KANK2: variants seen among roughly 807,000 people sequenced by gnomAD.
KANK2 encodes the protein KN motif and ankyrin repeat domain-containing protein 2.
A neutral mutation model predicts 74.6 loss-of-function variants in KANK2; 41 were observed. The ratio of observed to expected loss-of-function variants is 0.55; its 90% CI spans 0.43 to 0.71. KANK2 has a LOEUF of 0.71. Among genes scored for constraint, KANK2 ranks in the 30% least tolerant of loss-of-function variants. KANK2 has a pLI of 0.00. For missense variants in KANK2, 1,148 were observed against 1,196.4 expected (o/e 0.96, Z 0.60); for synonymous variants, 537 against 519.0 (o/e 1.03, Z -0.47).
intron 4 of KANK2, among the ~76,000 whole-genome samples, chr19:11,185,508 C>T (rs2078649887): frequency 6.7e-6 from 1 of 149,026 alleles, no homozygotes; most frequent in Admixed American, 6.8e-5. Context: ...ATCATTCAAC[C>T]ATTAAAAAAA....
At chr19:11,186,128 C>A (rs369547924) in intron 4 of KANK2, among the ~76,000 whole-genome samples, 3 of 152,312 alleles carry the variant, frequency 2.0e-5, no homozygotes, top group Admixed American at 6.5e-5. Flanking sequence ...TAGCTCACAC[C>A]TGCAATCCCA....
At chr19:11,184,331 G>A (rs1167046659) in intron 4 of KANK2, among the ~76,000 whole-genome samples, 2 of 150,082 alleles carry the variant, frequency 1.3e-5, no homozygotes, top group Non-Finnish European at 3.0e-5. Context: ...AGCCGAGATC[G>A]TGCCACTGCA....
chr19:11,179,349 G>A (rs1307698518), intron 4 of KANK2, among the ~76,000 whole-genome samples: 10 of 141,872 alleles, frequency 7.0e-5, no homozygotes, highest in African/African-American at 1.1e-4. Flanking sequence ...ATAAAAACAC[G>A]TCTTGGTGGC....
chr19:11,172,910 C>T (rs750023451), intron 10 of KANK2, 71 bp downstream of exon 10: 3 of 1,542,896 alleles, frequency 1.9e-6, no homozygotes, highest in East Asian at 2.3e-5. Context: ...TGGGTTTGGG[C>T]CTGTCACTCA....
intron 4 of KANK2, among the ~76,000 whole-genome samples, chr19:11,181,580 G>A (rs1039143571): frequency 6.6e-6 from 1 of 152,144 alleles, no homozygotes; most frequent in Admixed American, 6.6e-5. Context: ...ACAGAAAATA[G>A]AATGGTGGGT....
At position 11,176,975 on chromosome 19, in the gene KANK2, C is replaced by T. The variant is rs576294085; in HGVS notation, c.1521-158G>A. ...TTCCAGGGTTGTGGGATGTGGTTTACAGCAACTGGCACACAGTAAGCGCTC... is the reference window on the plus strand; with the variant it reads ...TTCCAGGGTTGTGGGATGTGGTTTATAGCAACTGGCACACAGTAAGCGCTC... On this transcript the variant is annotated intron_variant, in intron 6 of 12. Transcript: ENST00000586659. Among the ~76,000 whole-genome samples, 31 of 152,126 alleles carry T rather than the reference C, an allele frequency of 2.0e-4. 1 individual carries two copies. The South Asian group carries it at 6.4e-3, about 32-fold the overall frequency.
Position 11,183,837 on chromosome 19 carries a change from G to C in KANK2, c.1250-5117C>G, listed in dbSNP as rs371021570. ...AGCTAATTTTTTTGTATTTTTAGTA[G>C]AGATGGGGTTTCACTATGTTGGCAA... On this transcript the variant is annotated intron_variant, in intron 4 of 12. Coordinates refer to ENST00000586659, the MANE Select transcript of KANK2 (RefSeq NM_001136191.3). Among the ~76,000 whole-genome samples the C allele has an allele frequency of 5.1e-4, 77 of 152,080 alleles. 2 individuals are homozygous for C. In the South Asian group the frequency reaches 5.6e-3, roughly 11 times the overall value.
Position 11,178,314 on chromosome 19 carries a change from T to A in KANK2, c.1520+31A>T, listed in dbSNP as rs751178915. 3 of 594,684 alleles carry A rather than the reference T, an allele frequency of 5.0e-6. No homozygotes were observed. In the African/African-American group the frequency reaches 9.5e-5, roughly 19 times the overall value. The allele number at this position is 594,684 out of a possible 1,614,324, so 36.8% of individuals were successfully genotyped here. On this transcript the variant is annotated intron_variant, in intron 6 of 12. Transcript: ENST00000586659. ...ATGAATGGAGGAGGGGCGGGAAGTATGGGGTGGGGGGTGGGGTCTTCTCCT... is the reference window on the plus strand; with the variant it reads ...ATGAATGGAGGAGGGGCGGGAAGTAAGGGGTGGGGGGTGGGGTCTTCTCCT...
At chr19:11,176,195 C>T (rs1157706184) in intron 7 of KANK2, among the ~76,000 whole-genome samples, 1 of 152,186 alleles carries the variant, frequency 6.6e-6, no homozygotes, top group African/African-American at 2.4e-5. Flanking sequence ...AGTGGACACA[C>T]AAGCCAAAGT....
Position 11,178,597 on chromosome 19 carries a change from G to C in KANK2, c.1373C>G (p.Thr458Ser). 6.2e-7 allele frequency: 1 copy of C among 1,603,932 alleles called. No individual in the cohort carries two copies. The highest frequency in any genetic ancestry group is 8.5e-7 in the Non-Finnish European group (1 of 1,175,992). ...GGACTCTTGGGAGGCTGCTTGCCTG[G>C]TGGGCTCCCTGTGGGTGGGCTCCTG... ...PTQEPTHREPTRQAASQESEE... is the reference protein window; with the variant it reads ...PTQEPTHREPSRQAASQESEE... The change falls in exon 5 of 13, where the codon ACC becomes AGC. Residue 458 changes from threonine to serine, a missense_variant. Thr to Ser is a moderately conservative substitution (Grantham distance 58, BLOSUM62 1). Coordinates refer to ENST00000586659, the MANE Select transcript of KANK2 (RefSeq NM_001136191.3).
chr19:11,180,144 C>T (rs2078471741), intron 4 of KANK2, among the ~76,000 whole-genome samples: 1 of 152,204 alleles, frequency 6.6e-6, no homozygotes, highest in Non-Finnish European at 1.5e-5. Context: ...AGCAGCACCG[C>T]CCAGCCCATG....
intron 4 of KANK2, among the ~76,000 whole-genome samples, chr19:11,182,561 A>AAAAAAAAC (rs766300556): frequency 0.03 from 4,285 of 142,734 alleles, 113 homozygotes; most frequent in Non-Finnish European, 0.046. Context: ...CAAAACAAAA[A>AAAAAAAAC]AGCCAGGCGC....
chr19:11,176,862 G>A (rs952105876), intron 6 of KANK2, 45 bp from the exon 7 acceptor site: 2 of 1,482,724 alleles, frequency 1.3e-6, no homozygotes, highest in Non-Finnish European at 1.8e-6. Flanking sequence ...CAGGTGGGAT[G>A]AGAAATGGTG....
chr19:11,184,041 A>T (rs945564160), intron 4 of KANK2, among the ~76,000 whole-genome samples: 1 of 152,170 alleles, frequency 6.6e-6, no homozygotes, highest in Non-Finnish European at 1.5e-5. Flanking sequence ...TTCCAAGCAC[A>T]ATCCACATAT....
At chr19:11,182,108 G>T (rs937644843) in intron 4 of KANK2, among the ~76,000 whole-genome samples, 28 of 151,744 alleles carry the variant, frequency 1.8e-4, no homozygotes, top group Non-Finnish European at 3.4e-4. Context: ...TAGAGATGGG[G>T]TTTTGCCATG....
At chr19:11,173,347 A>G (rs117383959) in intron 9 of KANK2, among the ~76,000 whole-genome samples, 1 of 152,030 alleles carries the variant, frequency 6.6e-6, no homozygotes, top group Non-Finnish European at 1.5e-5. Flanking sequence ...TGATGCTGGC[A>G]TCTATATTTA....
At position 11,193,043 on chromosome 19, in the gene KANK2, G is replaced by A; in HGVS notation, c.1037C>T (p.Ala346Val). The change falls in exon 4 of 13, where the codon GCC (alanine) becomes GTC (valine). Residue 346 changes from alanine to valine, a missense_variant. Ala to Val is a moderately conservative substitution (Grantham distance 64). Coordinates refer to ENST00000586659, the MANE Select transcript of KANK2 (RefSeq NM_001136191.3). This position sits in a 1 kb window ranked among gnomAD's most constrained non-coding sequence, Gnocchi z 9.6. Reference sequence around the variant, plus strand: ...GGCCCGCTGTGCGGGGGCGCCAGCGGCTGTGCTGGCCACCACCTCCACCTC... The same window carrying A: ...GGCCCGCTGTGCGGGGGCGCCAGCGACTGTGCTGGCCACCACCTCCACCTC... ...PREVEVVAST[A>V]AGAPAQRAQS... is the part of the protein sequence containing the mutation. 6.2e-7 allele frequency: 1 copy of A among 1,611,498 alleles called. No individual in the cohort carries two copies. The highest frequency in any genetic ancestry group is 8.5e-7 in the Non-Finnish European group (1 of 1,179,004).
chr19:11,194,144 T>C, intron 3 of KANK2, 102 bp from the exon 4 acceptor site: 5 of 1,303,146 alleles, frequency 3.8e-6, no homozygotes, highest in Non-Finnish European at 5.2e-6. Context: ...GCCGAAGAGA[T>C]GGGAGCCCAC....
Position 11,193,044 on chromosome 19 carries a change from C to T in KANK2, c.1036G>A (p.Ala346Thr), listed in dbSNP as rs2147620220. 2 of 1,611,434 alleles carry T rather than the reference C, an allele frequency of 1.2e-6. No individual in the cohort carries two copies. The highest frequency in any genetic ancestry group is 2.2e-5 in the South Asian group (2 of 90,954). ...GCCCGCTGTGCGGGGGCGCCAGCGG[C>T]TGTGCTGGCCACCACCTCCACCTCC... Reference protein sequence around the residue: ...PREVEVVASTAAGAPAQRAQS... With the variant: ...PREVEVVASTTAGAPAQRAQS... The change falls in exon 4 of 13, where the codon GCC becomes ACC. Residue 346 changes from alanine (A) to threonine (T), a missense_variant. Physicochemically the swap from Ala to Thr is moderately conservative, Grantham distance 58. Transcript: ENST00000586659. This position sits in a 1 kb window ranked among gnomAD's most constrained non-coding sequence, Gnocchi z 9.6.
Sources: gnomAD v4.1 joint callset for allele counts (sites outside exome capture counted in the v4.1 genomes callset) on GRCh38, gnomAD v4.1.1 for gene constraint, Gnocchi (gnomAD v3.1) non-coding constraint, MANE v1.5 for transcripts, NCBI Gene and HGNC (gene_info 2026-07-23, HGNC 2026-07-21) for gene names.